Variants in ANKS1A observed in about 807,000 individuals in gnomAD.
The protein encoded by ANKS1A is ankyrin repeat and sterile alpha motif domain containing 1A.
A neutral mutation model predicts 120.3 loss-of-function variants in ANKS1A; 55 were observed. That is an observed-to-expected ratio of 0.46 (90% confidence interval 0.37 to 0.57). The LOEUF (loss-of-function observed/expected upper bound fraction) is 0.57, where lower values mean the gene tolerates loss of function less well. Ranked by LOEUF, ANKS1A falls within the 20% of genes least tolerant of loss-of-function variation. ANKS1A has a pLI of 0.00. For synonymous variants in ANKS1A, 590 were observed against 604.7 expected (o/e 0.98, Z 0.36); for missense variants, 1,123 against 1,480.3 (o/e 0.76, Z 3.96).
intron 10 of ANKS1A, among the ~76,000 whole-genome samples, chr6:35,003,379 T>C: frequency 6.6e-6 from 1 of 152,140 alleles, no homozygotes; most frequent in East Asian, 1.9e-4. Context: ...CAAAATAGAT[T>C]GGCTCTCGAC....
intron 10 of ANKS1A, among the ~76,000 whole-genome samples, chr6:35,010,468 T>C (rs1773704680): frequency 6.6e-6 from 1 of 152,166 alleles, no homozygotes; most frequent in African/African-American, 2.4e-5. Context: ...TTAAAGATAG[T>C]TCCCAAAAGT....
intron 1 of ANKS1A, among the ~76,000 whole-genome samples, chr6:34,903,347 C>CTTTT (rs148365667): frequency 2.1e-5 from 3 of 145,106 alleles, no homozygotes; most frequent in Non-Finnish European, 4.6e-5. Context: ...TGTAGAAAAA[C>CTTTT]TTTTTTTTTT....
chr6:35,018,071 A>G lies in ANKS1A; in HGVS notation c.2010+12A>G, dbSNP rs1774139945. 2 of 1,609,682 alleles carry G rather than the reference A, an allele frequency of 1.2e-6. No individual in the cohort carries two copies. The highest frequency in any genetic ancestry group is 4.5e-5 in the East Asian group (2 of 44,850). ...CGGAGTGGGATGAGGTAAGGCCGAC[A>G]TGACGTCACAGGGAGCTGGGCTGGC... On this transcript the variant is annotated intron_variant, in intron 11 of 23. Transcript: ENST00000360359.
Position 35,070,822 on chromosome 6 carries a change from T to TAA in ANKS1A, c.2185-7736_2185-7735insAA, listed in dbSNP as rs199994473. On this transcript the variant is annotated intron_variant, in intron 13 of 23. Coordinates refer to ENST00000360359, the MANE Select transcript of ANKS1A (RefSeq NM_015245.3). Reference sequence around the variant, plus strand: ...CTTAACCCAGACACCCCTTTCTTTTTTCTTTGTGTGTGTGTGTGTGTGTGC... The same window carrying TAA: ...CTTAACCCAGACACCCCTTTCTTTTTAATCTTTGTGTGTGTGTGTGTGTGTGC... 909 of 518,716 alleles carry TAA rather than the reference T, an allele frequency of 1.8e-3. 10 individuals carry two copies. The highest frequency in any genetic ancestry group is 0.017 in the African/African-American group (861 of 50,922). The allele number at this position is 518,716 out of a possible 1,614,324, so 32.1% of individuals were successfully genotyped here.
chr6:35,026,792 A>C (rs1240168769), intron 11 of ANKS1A, among the ~76,000 whole-genome samples: 1 of 152,070 alleles, frequency 6.6e-6, no homozygotes, highest in Non-Finnish European at 1.5e-5. Context: ...TTTTACTTTT[A>C]ACTTCCTTTT....
chr6:35,088,974 G>T lies in ANKS1A; in HGVS notation c.*365G>T, dbSNP rs1778152610. 1.6e-6 allele frequency: 2 copies of T among 1,217,946 alleles called. No individual in the cohort carries two copies. Among genetic ancestry groups the T allele is most frequent in the East Asian group, 9.1e-5 (2 of 21,896 alleles). 75.4% of individuals were successfully genotyped at this position (1,217,946 alleles called of 1,614,324 possible). A position where few individuals can be genotyped will look rare whatever the true frequency, so the allele number is the denominator to read the frequency against. The stretch of plus-strand genomic sequence containing the variant: ...CCAATCTTTAGACAAATGGCCATGG[G>T]GCAGAGGACAGGGGAGCTGAGGTTG... On this transcript the variant is annotated 3_prime_UTR_variant, in exon 24 of 24. Coordinates refer to ENST00000360359, the MANE Select transcript of ANKS1A (RefSeq NM_015245.3).
chr6:35,018,296 G>C (rs530416935), intron 11 of ANKS1A, among the ~76,000 whole-genome samples: 1 of 152,240 alleles, frequency 6.6e-6, no homozygotes, highest in South Asian at 2.1e-4. Flanking sequence ...AGCAGAGCAG[G>C]GCTGAGGGAG....
chr6:34,890,009 C>A (rs1349167752), intron 1 of ANKS1A, among the ~76,000 whole-genome samples: 2 of 152,212 alleles, frequency 1.3e-5, no homozygotes, highest in East Asian at 3.9e-4. Context: ...TGTAGAATCT[C>A]GAGGCTCCTC....
Position 35,090,074 on chromosome 6 carries a change from C to G in ANKS1A, c.*1465C>G, listed in dbSNP as rs1778215355. 7.8e-7 allele frequency: 1 copy of G among 1,279,184 alleles called. No individual in the cohort carries two copies. The highest frequency in any genetic ancestry group is 1.0e-6 in the Non-Finnish European group (1 of 982,940). 79.2% of individuals were successfully genotyped at this position (1,279,184 alleles called of 1,614,324 possible). ...GGCTGTGTCTCTGACTGGCTAGAGGCCAGGCCTTGTGGGTTTCTATCTGCT... is the reference window on the plus strand; with the variant it reads ...GGCTGTGTCTCTGACTGGCTAGAGGGCAGGCCTTGTGGGTTTCTATCTGCT... On this transcript the variant is annotated 3_prime_UTR_variant, in exon 24 of 24. Coordinates refer to ENST00000360359, the MANE Select transcript of ANKS1A (RefSeq NM_015245.3).
At chr6:35,054,691 G>A (rs576498888) in intron 12 of ANKS1A, among the ~76,000 whole-genome samples, 48 of 152,314 alleles carry the variant, frequency 3.2e-4, no homozygotes, top group African/African-American at 1.0e-3. Flanking sequence ...TTCTTACACT[G>A]TATCACTGCT....
intron 1 of ANKS1A, among the ~76,000 whole-genome samples, chr6:34,949,069 G>A (rs1311452177): frequency 1.3e-5 from 2 of 152,196 alleles, no homozygotes; most frequent in Non-Finnish European, 2.9e-5. Context: ...GGGTTAGTGA[G>A]ATGAATAAGA....
chr6:34,992,414 G>C (rs542687015), intron 9 of ANKS1A, among the ~76,000 whole-genome samples: 1 of 152,314 alleles, frequency 6.6e-6, no homozygotes, highest in Admixed American at 6.5e-5. Context: ...TCTGCTGCAT[G>C]AGAAGAAAGG....
chr6:34,964,490 G>A (rs1403639450), intron 1 of ANKS1A, among the ~76,000 whole-genome samples: 3 of 152,064 alleles, frequency 2.0e-5, no homozygotes, highest in Non-Finnish European at 4.4e-5. Flanking sequence ...GCCTTCTTTC[G>A]TCGCTTTCTT....
At chr6:34,945,840 T>A (rs1257661732) in intron 1 of ANKS1A, among the ~76,000 whole-genome samples, 1 of 152,222 alleles carries the variant, frequency 6.6e-6, no homozygotes, top group Non-Finnish European at 1.5e-5. Context: ...GTCAAATTTA[T>A]GAGCATATAT....
chr6:34,967,778 G>A (rs1275111028), intron 2 of ANKS1A, among the ~76,000 whole-genome samples: 2 of 151,976 alleles, frequency 1.3e-5, no homozygotes, highest in Non-Finnish European at 2.9e-5. Flanking sequence ...AGTTCATTCA[G>A]CATTTCTGTG....
chr6:34,995,946 CA>C (rs1772828930), intron 10 of ANKS1A, among the ~76,000 whole-genome samples: 1 of 152,140 alleles, frequency 6.6e-6, no homozygotes, highest in Non-Finnish European at 1.5e-5. Context: ...GGTATCCCAG[CA>C]ATAGATGTTT....
Position 35,084,700 on chromosome 6 carries a change from C to T in ANKS1A, c.3132+442C>T, listed in dbSNP as rs921395743. 2.6e-5 allele frequency among the ~76,000 whole-genome samples: 4 copies of T among 152,188 alleles called. No homozygotes were observed. Among genetic ancestry groups the T allele is most frequent in the African/African-American group, 9.7e-5 (4 of 41,450 alleles). ...TCCCCCGGCTCCCTGCCCTAGGTCT[C>T]CAACCTCTGGCTGGGCCGCCTCCCA... On this transcript the variant is annotated intron_variant, in intron 21 of 23. Transcript: ENST00000360359. The surrounding 1 kb of genome is among the most constrained non-coding windows in gnomAD (Gnocchi z 4.8).
chr6:35,077,926 C>G (rs984028535), intron 13 of ANKS1A, among the ~76,000 whole-genome samples: 1 of 152,226 alleles, frequency 6.6e-6, no homozygotes, highest in Non-Finnish European at 1.5e-5. Flanking sequence ...ATCCTTGCAT[C>G]GTGCTTAGCG....
chr6:34,985,009 G>A (rs771570450), intron 7 of ANKS1A, 73 bp from the exon 8 acceptor site: 1 of 1,442,070 alleles, frequency 6.9e-7, no homozygotes, highest in African/African-American at 1.4e-5. Flanking sequence ...AGAGGCTTTG[G>A]GTTGCTGCAG....
Sources: allele counts gnomAD v4.1 joint callset (sites outside exome capture counted in the v4.1 genomes callset), GRCh38; gene constraint gnomAD v4.1.1; non-coding constraint Gnocchi (gnomAD v3.1); transcripts MANE v1.5; gene names NCBI Gene and HGNC (gene_info 2026-07-23, HGNC 2026-07-21).